Variants in SYNE2 observed in about 807,000 individuals in gnomAD.
SYNE2 encodes nesprin-2.
SYNE2 carries 431 observed loss-of-function variants against 856.3 expected under a neutral mutation model. That is an observed-to-expected ratio of 0.50 (90% CI 0.47 to 0.55). SYNE2 has a LOEUF of 0.55. SYNE2 is among the 20% of genes least tolerant of loss of function. The probability of loss-of-function intolerance (pLI) is 0.00; values close to 1 mark genes in which losing one functional copy is unlikely to be tolerated. For missense variants in SYNE2, 8,129 were observed against 8,023.2 expected (o/e 1.01, Z -0.50); for synonymous variants, 2,923 against 2,872.3 (o/e 1.02, Z -0.56).
chr14:64,153,278 GA>G (rs1235993614), intron 85 of SYNE2, among the ~76,000 whole-genome samples: 1 of 152,190 alleles, frequency 6.6e-6, no homozygotes, highest in African/African-American at 2.4e-5. Flanking sequence ...CTTCCAGGAG[GA>G]GAGCACCAAA....
intron 6 of SYNE2, among the ~76,000 whole-genome samples, chr14:63,942,595 G>A (rs2357176): frequency 0.68 from 102,496 of 151,490 alleles, 34,891 homozygotes; most frequent in South Asian, 0.76. Flanking sequence ...TCCCAGGTTC[G>A]AGTGATTCTT....
At chr14:63,924,684 A>T (rs923742630) in intron 2 of SYNE2, among the ~76,000 whole-genome samples, 2 of 152,070 alleles carry the variant, frequency 1.3e-5, no homozygotes, top group African/African-American at 4.8e-5. Context: ...TAGAAGTACA[A>T]TTAATTTTTG....
At chr14:64,003,357 C>G in intron 30 of SYNE2, 27 bp downstream of exon 30, 1 of 1,613,594 alleles carries the variant, frequency 6.2e-7, no homozygotes, top group Non-Finnish European at 8.5e-7. Flanking sequence ...CATTTCCATC[C>G]AAGGTGACTG....
rs533569873 is a variant in SYNE2, at chr14:64,171,462, T to TA, written c.17235+1001dup. 5.8e-3 allele frequency among the ~76,000 whole-genome samples: 877 copies of TA among 152,288 alleles called. 10 individuals are homozygous for TA. Among genetic ancestry groups the TA allele is most frequent in the Non-Finnish European group, 7.9e-3 (539 of 68,030 alleles). ...TAAAATATCAGATTGTAATAAGACT[T>TA]ACGTAGATCATTAAAACAGGGCCAG... On this transcript the variant is annotated intron_variant, in intron 94 of 115. Coordinates refer to ENST00000555002, the MANE Select transcript of SYNE2 (RefSeq NM_182914.3).
At chr14:64,134,991 CA>C (rs916125239) in intron 78 of SYNE2, among the ~76,000 whole-genome samples, 11 of 142,792 alleles carry the variant, frequency 7.7e-5, no homozygotes, top group African/African-American at 2.9e-4. Context: ...CATCTCAAAA[CA>C]AAAAAACAAA....
chr14:63,772,819 C>T (rs1886967217), intron 1 of SYNE2, among the ~76,000 whole-genome samples: 1 of 151,808 alleles, frequency 6.6e-6, no homozygotes, highest in South Asian at 2.1e-4. Flanking sequence ...CCCTTGTTGC[C>T]CAAGCCATAG....
At chr14:63,820,559 T>C (rs952539533) in intron 1 of SYNE2, among the ~76,000 whole-genome samples, 1 of 152,098 alleles carries the variant, frequency 6.6e-6, no homozygotes, top group Non-Finnish European at 1.5e-5. Context: ...TTTCAAAAAA[T>C]TTAGAACTCT....
intron 79 of SYNE2, among the ~76,000 whole-genome samples, chr14:64,139,196 T>TG (rs2098121461): frequency 6.6e-6 from 1 of 151,690 alleles, no homozygotes; most frequent in South Asian, 2.1e-4. Context: ...TTGCCCAGGC[T>TG]GGTCTCAAAT....
At position 64,052,220 on chromosome 14, in the gene SYNE2, A is replaced by G; in HGVS notation, c.8307A>G (p.Lys2769=). The part of the protein sequence containing the change: ...DDILSQIRKC[K]VTHDGILARQ... Reference sequence around the variant, plus strand: ...TTCTTTCACAGATCAGAAAGTGCAAAGTGACACATGATGGCATTCTAGCTA... The same window carrying G: ...TTCTTTCACAGATCAGAAAGTGCAAGGTGACACATGATGGCATTCTAGCTA... Residue 2769 remains lysine (K), a synonymous_variant, in exon 48 of 116, where the codon AAA becomes AAG. Coordinates refer to ENST00000555002, the MANE Select transcript of SYNE2 (RefSeq NM_182914.3). 1 of 1,614,198 alleles carries G rather than the reference A, an allele frequency of 6.2e-7. No individual in the cohort carries two copies. Among genetic ancestry groups the G allele is most frequent in the Non-Finnish European group, 8.5e-7 (1 of 1,180,044 alleles).
intron 1 of SYNE2, among the ~76,000 whole-genome samples, chr14:63,828,898 ATG>A (rs1181190597): frequency 2.6e-5 from 4 of 152,166 alleles, no homozygotes; most frequent in African/African-American, 7.2e-5. Flanking sequence ...AGGGAAGACT[ATG>A]TAAGTAGCCA....
intron 45 of SYNE2, among the ~76,000 whole-genome samples, chr14:64,037,271 C>T (rs2097098388): frequency 6.6e-6 from 1 of 151,660 alleles, no homozygotes. Context: ...AGGCGGAGGA[C>T]CCTGCGGCCT....
At chr14:64,208,500 C>T (rs1328299334) in intron 100 of SYNE2, among the ~76,000 whole-genome samples, 1 of 152,150 alleles carries the variant, frequency 6.6e-6, no homozygotes, top group Non-Finnish European at 1.5e-5. Context: ...ACACCCATCA[C>T]CGTGGCACCC....
chr14:63,939,900 G>A (rs537690087), intron 2 of SYNE2, among the ~76,000 whole-genome samples: 1 of 152,218 alleles, frequency 6.6e-6, no homozygotes, highest in South Asian at 2.1e-4. Context: ...CATGATAAAT[G>A]TTAAGACTAA....
At chr14:64,148,495 G>C (rs1345942554) in intron 84 of SYNE2, among the ~76,000 whole-genome samples, 1 of 152,092 alleles carries the variant, frequency 6.6e-6, no homozygotes, top group Admixed American at 6.6e-5. Flanking sequence ...TACATTTGCA[G>C]CTGATTGCAG....
intron 99 of SYNE2, chr14:64,191,192 T>C (rs1175110861): frequency 3.2e-6 from 1 of 310,010 alleles, no homozygotes; most frequent in Non-Finnish European, 5.7e-6. Flanking sequence ...ATTATTTAAA[T>C]TTAATAATTT....
At chr14:64,160,176 G>A (rs537841471) in intron 87 of SYNE2, among the ~76,000 whole-genome samples, 1 of 152,292 alleles carries the variant, frequency 6.6e-6, no homozygotes, top group Admixed American at 6.5e-5. Flanking sequence ...ATTGGAAGAC[G>A]GGGAGGAGAC....
chr14:64,200,787 C>T (rs751728498), intron 99 of SYNE2, among the ~76,000 whole-genome samples: 2 of 152,198 alleles, frequency 1.3e-5, no homozygotes, highest in Non-Finnish European at 2.9e-5. Context: ...CATTCAGTCC[C>T]CTCAGCTACC....
Position 64,210,103 on chromosome 14 carries a change from A to T in SYNE2, c.18702A>T (p.Thr6234=). ...QRWDNLQRRV[T]AVLRRLRHFT... The stretch of plus-strand genomic sequence containing the variant: ...GGGACAACCTTCAGAGGCGGGTCAC[A>T]GCCGTCCTGCGGAGACTCAGGGTGA... Residue 6234 remains threonine, a synonymous_variant, in exon 103 of 116, where the codon ACA becomes ACT. Coordinates refer to ENST00000555002, the MANE Select transcript of SYNE2 (RefSeq NM_182914.3). The T allele has an allele frequency of 1.2e-6, 2 of 1,613,876 alleles. No homozygotes were observed. Among genetic ancestry groups the T allele is most frequent in the Non-Finnish European group, 1.7e-6 (2 of 1,179,910 alleles).
chr14:64,150,324 A>G (rs1190935517), intron 84 of SYNE2, among the ~76,000 whole-genome samples: 10 of 126,348 alleles, frequency 7.9e-5, no homozygotes, highest in South Asian at 2.7e-4. Flanking sequence ...AAAAAAAAGG[A>G]TCCTCCCGCC....
Sources: allele counts gnomAD v4.1 joint callset (sites outside exome capture counted in the v4.1 genomes callset), GRCh38; gene constraint gnomAD v4.1.1; transcripts MANE v1.5; gene names NCBI Gene and HGNC (gene_info 2026-07-23, HGNC 2026-07-21).